Variants in MCRS1 observed in about 807,000 individuals in gnomAD.
MCRS1 encodes microspherule protein 1.
Under a neutral mutation model 62.9 loss-of-function variants are expected in MCRS1, and 22 were observed. That is an observed-to-expected ratio of 0.35 (90% confidence interval 0.25 to 0.50). The LOEUF is 0.50. Among genes scored for constraint, MCRS1 ranks in the 20% least tolerant of loss-of-function variants. The pLI is 0.98. For missense variants in MCRS1, 456 were observed against 601.1 expected (o/e 0.76, Z 2.52); for synonymous variants, 244 against 233.5 (o/e 1.04, Z -0.41).
In MCRS1 at chr12:49,560,038, T is replaced by C; in HGVS notation, c.882-71A>G. The C allele has an allele frequency of 1.9e-6, 3 of 1,587,798 alleles. No individual in the cohort carries two copies. The South Asian group carries it at 3.3e-5, about 18-fold the overall frequency. ...GCCTGTTACTTGGCTCATTAGGGCA[T>C]CCCTGAGCCCCTTTAGCCAAGTGGC... is the stretch of plus-strand genomic sequence containing the variant. On this transcript the variant is annotated intron_variant, in intron 9 of 14. Coordinates refer to ENST00000343810, the MANE Select transcript of MCRS1 (RefSeq NM_006337.5).
intron 8 of MCRS1, among the ~76,000 whole-genome samples, chr12:49,562,203 C>A (rs1402728219): frequency 1.3e-5 from 2 of 152,118 alleles, no homozygotes; most frequent in Non-Finnish European, 2.9e-5. Flanking sequence ...GTGATGGGTA[C>A]CAATGAAGCT....
At chr12:49,567,552 C>T (rs1033650331) in intron 1 of MCRS1, 20 of 152,156 alleles carry the variant, frequency 1.3e-4, no homozygotes, top group Admixed American at 1.0e-3. Flanking sequence ...CTCTCCGCTC[C>T]ATAGGCTACG....
At chr12:49,566,314 C>A in intron 2 of MCRS1, 99 bp from the exon 3 acceptor site, 1 of 1,520,292 alleles carries the variant, frequency 6.6e-7, no homozygotes, top group South Asian at 1.2e-5. Flanking sequence ...GCCCTCTTGG[C>A]CCCTCCCCTG....
chr12:49,559,823 T>G lies in MCRS1; in HGVS notation c.911-2A>C. 6.2e-7 allele frequency: 1 copy of G among 1,614,126 alleles called. No individual in the cohort carries two copies. The highest frequency in any genetic ancestry group is 8.5e-7 in the Non-Finnish European group (1 of 1,179,980). On this transcript the variant is annotated splice_acceptor_variant, in intron 10 of 14. Coordinates refer to ENST00000343810, the MANE Select transcript of MCRS1 (RefSeq NM_006337.5). LOFTEE classifies it high-confidence loss of function. The surrounding 1 kb of genome is among the most constrained non-coding windows in gnomAD (Gnocchi z 5.2). ...GGCGCCGGTCAGCCACCATCAGCTCTGGGGTGAGGTGGGGTGGTAAGGAGG... is the reference window on the plus strand; with the variant it reads ...GGCGCCGGTCAGCCACCATCAGCTCGGGGGTGAGGTGGGGTGGTAAGGAGG...
Position 49,566,785 on chromosome 12 carries a change from T to G in MCRS1, c.-54A>C. ...CAAACCACCGGGCTAGGAGGAACGG[T>G]CCCACAGGCTCATCCAAGGATTCTG... is the stretch of plus-strand genomic sequence containing the variant. On this transcript the variant is annotated 5_prime_UTR_variant, in exon 2 of 15. Transcript: ENST00000343810. 6.2e-7 allele frequency: 1 copy of G among 1,604,718 alleles called. No individual in the cohort carries two copies. The highest frequency in any genetic ancestry group is 8.5e-7 in the Non-Finnish European group (1 of 1,174,508).
chr12:49,565,766 T>TC (rs1939026522), intron 3 of MCRS1, 99 bp from the exon 4 acceptor site: 6 of 1,540,566 alleles, frequency 3.9e-6, no homozygotes, highest in Non-Finnish European at 5.4e-6. Flanking sequence ...AGTAGGGTGC[T>TC]ATCTGCTCCA....
chr12:49,563,397 G>C (rs1309150278), intron 7 of MCRS1, 41 bp downstream of exon 7: 2 of 1,568,930 alleles, frequency 1.3e-6, no homozygotes, highest in Non-Finnish European at 1.7e-6. Flanking sequence ...TCCAGCTCTC[G>C]CTGTGCCCTG....
rs1021575700 is a variant in MCRS1, at chr12:49,558,961, T to C, written c.1184A>G (p.Lys395Arg). The change falls in exon 14 of 15, where the codon AAG becomes AGG. Residue 395 changes from lysine to arginine, a missense_variant. By Grantham distance (26) the Lys-to-Arg change is conservative. Transcript: ENST00000343810. ...GAAGAAATCACCGTTGTTCTTCAGC[T>C]TGATGACACCTGTGGAAGCAGAAAG... The part of the protein sequence containing the change: ...WKISRKQGVI[K>R]LKNNGDFFIA... 6.2e-7 allele frequency: 1 copy of C among 1,611,722 alleles called. No individual in the cohort carries two copies. Among genetic ancestry groups the C allele is most frequent in the African/African-American group, 1.3e-5 (1 of 74,826 alleles).
In MCRS1 at chr12:49,565,581, AC is replaced by A. The variant is rs1313826230; in HGVS notation, c.235del (p.Val79TrpfsTer41). On this transcript the variant is annotated frameshift_variant, in exon 4 of 15. Coordinates refer to ENST00000343810, the MANE Select transcript of MCRS1 (RefSeq NM_006337.5). LOFTEE classifies it high-confidence loss of function. ...ACTCCCCGAACAGCGCCCTGGTTCC[AC>A]CCCACTGGCCCCCTTTGCCCGGGTA... ...SSTRAKGASG[V>X]EPGRCSGSEP... 6.2e-7 allele frequency: 1 copy of A among 1,612,382 alleles called. No individual in the cohort carries two copies. The highest frequency in any genetic ancestry group is 8.5e-7 in the Non-Finnish European group (1 of 1,179,166).
rs772190952 is a variant in MCRS1 at position 49,558,928 on chromosome 12, T to C, written c.1217A>G (p.Asn406Ser). 2.5e-5 allele frequency: 41 copies of C among 1,612,672 alleles called. No individual in the cohort carries two copies. The highest frequency in any genetic ancestry group is 3.4e-5 in the Non-Finnish European group (40 of 1,179,980). ...GATGTAGATGGGCCGTCGACCCTCA[T>C]TGGCAATGAAGAAATCACCGTTGTT... Reference protein sequence around the residue: ...LKNNGDFFIANEGRRPIYIDG... With the variant: ...LKNNGDFFIASEGRRPIYIDG... Residue 406 changes from asparagine (N) to serine (S), a missense_variant, in exon 14 of 15, where the codon AAT becomes AGT. Physicochemically the swap from Asn to Ser is conservative, Grantham distance 46. Transcript: ENST00000343810.
In MCRS1 at chr12:49,566,198, C is replaced by T. The variant is rs769106306; in HGVS notation, c.28G>A (p.Asp10Asn). Residue 10 changes from aspartate to asparagine, a missense_variant, in exon 3 of 15, where the codon GAT becomes AAT. Around this residue, in one of 3 missense-constraint regions of MCRS1, gnomAD observed 55 missense variants for 49.3 expected, o/e 1.12. Coordinates refer to ENST00000343810, the MANE Select transcript of MCRS1 (RefSeq NM_006337.5). ...GTGCCTGATGCCATCAGGGATGAAT[C>T]TAGCAGCCCCTGAGAATCTAGCAAG... MDKDSQGLL[D>N]SSLMASGTAS... 37 of 1,613,326 alleles carry T rather than the reference C, an allele frequency of 2.3e-5. No individual in the cohort carries two copies. Among genetic ancestry groups the T allele is most frequent in the Non-Finnish European group, 3.0e-5 (35 of 1,179,636 alleles).
At position 49,566,790 on chromosome 12, in the gene MCRS1, C is replaced by T; in HGVS notation, c.-59G>A. ...CACCGGGCTAGGAGGAACGGTCCCACAGGCTCATCCAAGGATTCTGACCAG... is the reference window on the plus strand; with the variant it reads ...CACCGGGCTAGGAGGAACGGTCCCATAGGCTCATCCAAGGATTCTGACCAG... On this transcript the variant is annotated 5_prime_UTR_variant, in exon 2 of 15. In the 5' UTR this introduces an upstream ATG that the reference lacks. Transcript: ENST00000343810. 6.2e-7 allele frequency: 1 copy of T among 1,600,464 alleles called. No homozygotes were observed. Among genetic ancestry groups the T allele is most frequent in the East Asian group, 2.3e-5 (1 of 44,388 alleles).
intron 8 of MCRS1, among the ~76,000 whole-genome samples, chr12:49,562,761 T>C (rs1212066120): frequency 1.3e-5 from 2 of 152,240 alleles, no homozygotes; most frequent in African/African-American, 2.4e-5. Flanking sequence ...ACTCCGCTAT[T>C]TGGACCTTTT....
rs780785469 is a variant in MCRS1, at chr12:49,558,711, C to T, written c.1321G>A (p.Val441Ile). 7 of 1,613,914 alleles carry T rather than the reference C, an allele frequency of 4.3e-6. No homozygotes were observed. Among genetic ancestry groups the T allele is most frequent in the East Asian group, 4.5e-5 (2 of 44,876 alleles). ...ATGAGGTCCTGGTTGATAAGGAAGA[C>T]GAATCGCAGGCTGGCGATCTGGGTG... ...SVVEIASLRF[V>I]FLINQDLIAL... is the part of the protein sequence containing the mutation. Residue 441 changes from valine to isoleucine, a missense_variant, in exon 15 of 15, where the codon GTC (valine) becomes ATC (isoleucine). By Grantham distance (29) the Val-to-Ile change is conservative. Transcript: ENST00000343810.
chr12:49,559,177 C>T lies in MCRS1; in HGVS notation c.1174+37G>A, dbSNP rs375128717. ...AGCGAGAGGCTGGGAGGGACGACCTCACACTGCTTCCTGCTGGGGCAGGGG... is the reference window on the plus strand; with the variant it reads ...AGCGAGAGGCTGGGAGGGACGACCTTACACTGCTTCCTGCTGGGGCAGGGG... On this transcript the variant is annotated intron_variant, in intron 13 of 14. Coordinates refer to ENST00000343810, the MANE Select transcript of MCRS1 (RefSeq NM_006337.5). The surrounding 1 kb of genome is among the most constrained non-coding windows in gnomAD (Gnocchi z 5.2). The T allele has an allele frequency of 6.9e-6, 11 of 1,604,422 alleles. No homozygotes were observed. The highest frequency in any genetic ancestry group is 3.3e-5 in the Admixed American group (2 of 59,830).
chr12:49,566,380 T>C, intron 2 of MCRS1, 165 bp from the exon 3 acceptor site: 1 of 1,574,532 alleles, frequency 6.4e-7, no homozygotes, highest in Non-Finnish European at 8.6e-7. Context: ...AGATCCCATC[T>C]GGGCTCAGAC....
Position 49,566,162 on chromosome 12 carries a change from A to G in MCRS1, c.64T>C (p.Ser22Pro), listed in dbSNP as rs1475631970. ...CCTGCCAGTGACTCCTCATCCTCTG[A>G]GCGGCTGGCAGTGCCTGATGCCATC... ...SLMASGTASR[S>P]EDEESLAGQK... The change falls in exon 3 of 15, where the codon TCA becomes CCA. Residue 22 changes from serine to proline, a missense_variant. By Grantham distance (74) the Ser-to-Pro change is moderately conservative. Transcript: ENST00000343810. 3.1e-6 allele frequency: 5 copies of G among 1,614,146 alleles called. No homozygotes were observed. Among genetic ancestry groups the G allele is most frequent in the Admixed American group, 1.7e-5 (1 of 60,024 alleles).
intron 2 of MCRS1, 71 bp downstream of exon 2, chr12:49,566,651 C>T: frequency 3.1e-6 from 5 of 1,607,114 alleles, no homozygotes; most frequent in Non-Finnish European, 4.3e-6. Context: ...GACACACGTG[C>T]CAGGCACAGA....
intron 8 of MCRS1, 47 bp from the exon 9 acceptor site, chr12:49,560,417 C>T (rs1938704362): frequency 1.4e-5 from 22 of 1,580,064 alleles, no homozygotes; most frequent in Non-Finnish European, 1.9e-5. Flanking sequence ...TCTTGCTGAA[C>T]CCGATGCTGA....
Sources: gnomAD v4.1 joint callset for allele counts (sites outside exome capture counted in the v4.1 genomes callset) on GRCh38, gnomAD v4.1.1 for gene constraint, gnomAD v4.1.1 regional missense constraint, Gnocchi (gnomAD v3.1) non-coding constraint, MANE v1.5 for transcripts, NCBI Gene and HGNC (gene_info 2026-07-23, HGNC 2026-07-21) for gene names.